IL7: variants seen among roughly 807,000 people sequenced by gnomAD.
The protein encoded by IL7 is interleukin-7.
In IL7, 3 loss-of-function variants were observed where a neutral mutation model predicts 21.6. The ratio of observed to expected loss-of-function variants is 0.14; its 90% CI spans 0.06 to 0.36. The LOEUF (loss-of-function observed/expected upper bound fraction) is 0.36, where lower values mean the gene tolerates loss of function less well. Ranked by LOEUF, IL7 falls within the 10% of genes least tolerant of loss-of-function variation. The pLI, the probability that IL7 is intolerant of heterozygous loss-of-function variation, is 1.00. For missense variants in IL7, 175 were observed against 200.2 expected, an observed-to-expected ratio of 0.87 and a Z score of 0.76; for synonymous variants, 62 against 68.1, an observed-to-expected ratio of 0.91 and a Z score of 0.44.
chr8:78,680,914 C>T (rs1809756142), intron 4 of IL7, among the ~76,000 whole-genome samples: 1 of 152,006 alleles, frequency 6.6e-6, no homozygotes, highest in African/African-American at 2.4e-5. Flanking sequence ...GGATAGCTAC[C>T]AGCTGGAATG....
chr8:78,785,354 T>C (rs1402182821), intron 2 of IL7, among the ~76,000 whole-genome samples: 1 of 152,186 alleles, frequency 6.6e-6, no homozygotes, highest in Non-Finnish European at 1.5e-5. Flanking sequence ...TCTTTTATTG[T>C]TTCAGCAACT....
intron 2 of IL7, among the ~76,000 whole-genome samples, chr8:78,784,950 T>C (rs1406371396): frequency 6.6e-6 from 1 of 152,066 alleles, no homozygotes; most frequent in Non-Finnish European, 1.5e-5. Context: ...GCCTGTGCAC[T>C]TTATATTTGA....
At chr8:78,773,070 C>T (rs1043254928) in intron 2 of IL7, among the ~76,000 whole-genome samples, 2 of 152,254 alleles carry the variant, frequency 1.3e-5, no homozygotes, top group South Asian at 4.1e-4. Flanking sequence ...ACTGCTTATT[C>T]TAGTTCAGGG....
chr8:78,797,461 A>T (rs1243234848), intron 2 of IL7, among the ~76,000 whole-genome samples: 5 of 152,016 alleles, frequency 3.3e-5, no homozygotes, highest in African/African-American at 1.2e-4. Context: ...GATGTAAGAT[A>T]ATAAGGGAAA....
At chr8:78,796,642 T>C (rs185254390) in intron 2 of IL7, among the ~76,000 whole-genome samples, 2 of 152,132 alleles carry the variant, frequency 1.3e-5, no homozygotes, top group Non-Finnish European at 2.9e-5. Flanking sequence ...TGGCAAAAAG[T>C]ATCTGAAAAG....
chr8:78,680,315 A>G (rs1220446867), intron 4 of IL7, among the ~76,000 whole-genome samples: 1 of 132,940 alleles, frequency 7.5e-6, no homozygotes. Context: ...AAAAAAAAAA[A>G]GCAAAGTAAA....
chr8:78,686,241 T>A (rs1004703413), intron 3 of IL7, among the ~76,000 whole-genome samples: 2 of 152,190 alleles, frequency 1.3e-5, no homozygotes, highest in African/African-American at 4.8e-5. Flanking sequence ...GAAGGCAGTT[T>A]AGTAGTGTCT....
Position 78,768,518 on chromosome 8 carries a change from CCAGTGATGGT to C in IL7, c.148-28446_148-28437del, listed in dbSNP as rs1251992388. Among the ~76,000 whole-genome samples the C allele has an allele frequency of 5.3e-5, 8 of 149,860 alleles. No homozygotes were observed. In the Admixed American group the frequency reaches 5.3e-4, roughly 10 times the overall value. On this transcript the variant is annotated intron_variant, in intron 2 of 5. Transcript: ENST00000263851. ...GTTTTGATTTGCATTTCTCTGATGGCCAGTGATGGTGAGCATTTTTTCATGTGTTTTTTGG... is the reference window on the plus strand; with the variant it reads ...GTTTTGATTTGCATTTCTCTGATGGCGAGCATTTTTTCATGTGTTTTTTGG...
At chr8:78,690,880 T>G (rs1810189723) in intron 3 of IL7, among the ~76,000 whole-genome samples, 1 of 152,194 alleles carries the variant, frequency 6.6e-6, no homozygotes, top group Non-Finnish European at 1.5e-5. Context: ...TATTTCATTT[T>G]TAGTTGTTTT....
downstream of IL7, chr8:78,675,639 A>C (rs563327573): frequency 1.5e-6 from 1 of 649,542 alleles, no homozygotes; most frequent in Non-Finnish European, 2.6e-6. Context: ...GCTCCTTTTC[A>C]TAGATAATTT....
intron 3 of IL7, among the ~76,000 whole-genome samples, chr8:78,725,143 G>A (rs761140481): frequency 1.3e-5 from 2 of 152,096 alleles, no homozygotes; most frequent in South Asian, 2.1e-4. Flanking sequence ...TTCTTACAGC[G>A]AGGGAGTATT....
At chr8:78,680,286 CAAAAAAAAAAAAAAAAA>C (rs3070855) in intron 4 of IL7, among the ~76,000 whole-genome samples, 2 of 88,150 alleles carry the variant, frequency 2.3e-5, no homozygotes, top group Admixed American at 1.3e-4. Context: ...GACTCCGTCT[CAAAAAAAAAAAAAAAAA>C]AAAAAAAAAA....
intron 2 of IL7, among the ~76,000 whole-genome samples, chr8:78,779,449 G>A (rs559952921): frequency 2.6e-5 from 4 of 152,236 alleles, no homozygotes; most frequent in African/African-American, 7.2e-5. Flanking sequence ...AACATGGGGG[G>A]ATGTTGAATT....
intron 2 of IL7, among the ~76,000 whole-genome samples, chr8:78,785,342 T>C (rs754725057): frequency 1.9e-4 from 29 of 152,214 alleles, no homozygotes; most frequent in Non-Finnish European, 1.2e-4. Context: ...CATCTCTTCT[T>C]ATCTTTTATT....
intron 3 of IL7, among the ~76,000 whole-genome samples, chr8:78,703,200 G>A (rs375553765): frequency 1.3e-5 from 2 of 152,204 alleles, no homozygotes; most frequent in East Asian, 1.9e-4. Flanking sequence ...CCTGGCCCAT[G>A]TGATCAATTT....
intron 4 of IL7, 93 bp from the exon 5 acceptor site, chr8:78,736,620 A>C (rs1811605181): frequency 5.8e-6 from 4 of 689,102 alleles, no homozygotes; most frequent in Non-Finnish European, 1.0e-5. Context: ...CCTTCAGCTC[A>C]TCTAATCTAT....
At chr8:78,738,722 T>C in intron 3 of IL7, 87 bp from the exon 4 acceptor site, 1 of 1,303,162 alleles carries the variant, frequency 7.7e-7, no homozygotes, top group Non-Finnish European at 1.1e-6. Flanking sequence ...GAGCTTGAGC[T>C]ATGTTGCTAG....
intron 2 of IL7, among the ~76,000 whole-genome samples, chr8:78,793,292 A>T (rs1813754248): frequency 6.6e-6 from 1 of 152,122 alleles, no homozygotes; most frequent in South Asian, 2.1e-4. Context: ...TTTGGCAATG[A>T]TGAAAATATT....
chr8:78,690,539 G>A (rs1249356143), intron 3 of IL7, among the ~76,000 whole-genome samples: 3 of 147,960 alleles, frequency 2.0e-5, no homozygotes, highest in Admixed American at 6.8e-5. Context: ...CAGCTTGGGC[G>A]ACAGAGCAAG....
Sources: gnomAD v4.1 joint callset for allele counts (sites outside exome capture counted in the v4.1 genomes callset) on GRCh38, gnomAD v4.1.1 for gene constraint, MANE v1.5 for transcripts, NCBI Gene and HGNC (gene_info 2026-07-23, HGNC 2026-07-21) for gene names.